Variants in RAB1A observed in about 807,000 individuals in gnomAD.
The protein encoded by RAB1A is ras-related protein Rab-1A.
RAB1A carries 2 observed loss-of-function variants against 26.0 expected under a neutral mutation model. The ratio of observed to expected loss-of-function variants is 0.08; its 90% confidence interval spans 0.03 to 0.24. RAB1A has a LOEUF of 0.24. RAB1A is among the 10% of genes least tolerant of loss of function. The pLI, the probability that RAB1A is intolerant of heterozygous loss-of-function variation, is 1.00. For synonymous variants in RAB1A, 84 were observed against 84.9 expected (o/e 0.99, Z 0.06); for missense variants, 100 against 247.0 (o/e 0.40, Z 3.99).
At chr2:65,121,027 A>G (rs13016529) in intron 1 of RAB1A, among the ~76,000 whole-genome samples, 150,232 of 152,080 alleles carry the variant, frequency 0.99, 74,217 homozygotes, top group East Asian at 1. Flanking sequence ...AGGCTCAGGC[A>G]GGAGGATCAC....
In RAB1A at chr2:65,129,917, T is replaced by C. The variant is rs1224909053; in HGVS notation, c.-2A>G. ...CTATTCGGGATTCATGCTGGACATG[T>C]CACTGCAGCTGCCGCCGCCGCCACC... On this transcript the variant is annotated 5_prime_UTR_variant, in exon 1 of 6. Transcript: ENST00000409784. 5 of 1,590,522 alleles carry C rather than the reference T, an allele frequency of 3.1e-6. No homozygotes were observed. In the African/African-American group the frequency reaches 4.0e-5, roughly 13 times the overall value.
intron 2 of RAB1A, among the ~76,000 whole-genome samples, chr2:65,098,313 C>G (rs1669337159): frequency 6.6e-6 from 1 of 152,162 alleles, no homozygotes; most frequent in Admixed American, 6.6e-5. Context: ...TCCTTAAGAT[C>G]TCTACAATAG....
chr2:65,102,278 TA>T (rs1573072634), intron 2 of RAB1A, among the ~76,000 whole-genome samples: 1 of 152,144 alleles, frequency 6.6e-6, no homozygotes, highest in East Asian at 1.9e-4. Context: ...TTTCTTATTT[TA>T]AAAAATACCT....
chr2:65,106,291 GATTTTGT>G, intron 1 of RAB1A: 1 of 249,524 alleles, frequency 4.0e-6, no homozygotes, highest in South Asian at 3.5e-5. Context: ...AGATATACAT[GATTTTGT>G]ATTTTGTCCT....
intron 3 of RAB1A, 86 bp from the exon 4 acceptor site, chr2:65,091,164 T>C (rs1344538675): frequency 9.9e-7 from 1 of 1,007,682 alleles, no homozygotes; most frequent in African/African-American, 1.6e-5. Context: ...ATAGTTTAGT[T>C]TTCATAACTG....
chr2:65,091,425 AC>A (rs1258737178), intron 3 of RAB1A, among the ~76,000 whole-genome samples: 2 of 152,222 alleles, frequency 1.3e-5, no homozygotes, highest in Non-Finnish European at 2.9e-5. Context: ...TCCATGTAAG[AC>A]AAACTCACTT....
At chr2:65,098,089 AT>A in intron 2 of RAB1A, 23 bp from the exon 3 acceptor site, 4 of 1,368,948 alleles carry the variant, frequency 2.9e-6, no homozygotes, top group South Asian at 1.4e-5. Context: ...ATAATTAACA[AT>A]TAAATGTATT....
intron 2 of RAB1A, among the ~76,000 whole-genome samples, chr2:65,102,663 C>T (rs921357992): frequency 1.3e-5 from 2 of 151,104 alleles, no homozygotes; most frequent in African/African-American, 4.9e-5. Flanking sequence ...TGCAGTAGTT[C>T]ACGCCTGTAA....
intron 3 of RAB1A, among the ~76,000 whole-genome samples, chr2:65,092,845 T>C (rs901080120): frequency 2.0e-5 from 3 of 152,144 alleles, no homozygotes; most frequent in East Asian, 1.9e-4. Context: ...GGAGAAGTGA[T>C]TGGATTATGA....
chr2:65,100,763 CAAAA>C (rs10597136), intron 2 of RAB1A, among the ~76,000 whole-genome samples: 28 of 128,610 alleles, frequency 2.2e-4, no homozygotes, highest in Non-Finnish European at 2.1e-4. Context: ...CATCTCAAAC[CAAAA>C]AAAAAAAAAA....
At chr2:65,110,620 A>T (rs1362399760) in intron 1 of RAB1A, among the ~76,000 whole-genome samples, 1 of 152,018 alleles carries the variant, frequency 6.6e-6, no homozygotes, top group Non-Finnish European at 1.5e-5. Flanking sequence ...ACAGAAAATG[A>T]CCAGTAGCAC....
At chr2:65,095,976 ACT>A (rs1277549630) in intron 3 of RAB1A, among the ~76,000 whole-genome samples, 1 of 151,952 alleles carries the variant, frequency 6.6e-6, no homozygotes, top group Non-Finnish European at 1.5e-5. Flanking sequence ...ACATGGTGAA[ACT>A]CTGTCTCTAC....
chr2:65,118,517 G>A lies in RAB1A; in HGVS notation c.23+11376C>T, dbSNP rs539385561. ...TTTTGAGACAGAGTTTTGCTCTGTC[G>A]CGCAGGCTGAAGTGCAGTAGCACAA... On this transcript the variant is annotated intron_variant, in intron 1 of 5. Coordinates refer to ENST00000409784, the MANE Select transcript of RAB1A (RefSeq NM_004161.5). 9.9e-5 allele frequency among the ~76,000 whole-genome samples: 15 copies of A among 151,848 alleles called. No individual in the cohort carries two copies. In the South Asian group the frequency reaches 1.9e-3, roughly 19 times the overall value.
At chr2:65,108,317 A>G (rs1393865627) in intron 1 of RAB1A, among the ~76,000 whole-genome samples, 1 of 150,232 alleles carries the variant, frequency 6.7e-6, no homozygotes, top group Non-Finnish European at 1.5e-5. Context: ...CGCTGACATC[A>G]CACACTCCAG....
chr2:65,105,275 C>T (rs1322343852), intron 1 of RAB1A: 2 of 206,324 alleles, frequency 9.7e-6, no homozygotes, highest in Admixed American at 1.1e-4. Flanking sequence ...GAGGCTGAGG[C>T]AGGCAGTTCA....
chr2:65,108,217 C>T (rs1394396521), intron 1 of RAB1A, among the ~76,000 whole-genome samples: 4 of 151,628 alleles, frequency 2.6e-5, no homozygotes, highest in African/African-American at 9.7e-5. Context: ...CAAAAATTAG[C>T]TGGGTGTGGT....
At position 65,088,227 on chromosome 2, in the gene RAB1A, G is replaced by T. The variant is rs1669082844; in HGVS notation, c.*266C>A. 1 of 358,318 alleles carries T rather than the reference G, an allele frequency of 2.8e-6. No individual in the cohort carries two copies. The allele number at this position is 358,318 out of a possible 1,614,324, so 22.2% of individuals were successfully genotyped here. On this transcript the variant is annotated 3_prime_UTR_variant, in exon 6 of 6. Transcript: ENST00000409784. ...CTAACCAACCACGGGAAACAGTCTG[G>T]TATCAGGAAAGCAACAAGGATTACA...
chr2:65,125,996 C>T (rs1218827481), intron 1 of RAB1A, among the ~76,000 whole-genome samples: 2 of 150,614 alleles, frequency 1.3e-5, no homozygotes, highest in Non-Finnish European at 3.0e-5. Flanking sequence ...CTCAGCCTCC[C>T]GAGTAGCTGG....
Position 65,119,654 on chromosome 2 carries a change from A to C in RAB1A, c.23+10239T>G, listed in dbSNP as rs147674001. Among the ~76,000 whole-genome samples the C allele has an allele frequency of 5.3e-5, 8 of 151,900 alleles. No individual in the cohort carries two copies. In the East Asian group the frequency reaches 1.5e-3, roughly 29 times the overall value. Reference sequence around the variant, plus strand: ...TAAACTAGCACCCAGAACCTGACCAAATACAAAGAAAAGTGTGATTCACTG... The same window carrying C: ...TAAACTAGCACCCAGAACCTGACCACATACAAAGAAAAGTGTGATTCACTG... On this transcript the variant is annotated intron_variant, in intron 1 of 5. Coordinates refer to ENST00000409784, the MANE Select transcript of RAB1A (RefSeq NM_004161.5).
Sources: allele counts gnomAD v4.1 joint callset (sites outside exome capture counted in the v4.1 genomes callset), GRCh38; gene constraint gnomAD v4.1.1; transcripts MANE v1.5; gene names NCBI Gene and HGNC (gene_info 2026-07-23, HGNC 2026-07-21).